The following MTFR1 variants were observed in gnomAD, a reference collection of about 807,000 sequenced individuals.
MTFR1 encodes mitochondrial fission regulator 1, also known as chondrocyte protein with a poly-proline region.
A neutral mutation model predicts 38.8 loss-of-function variants in MTFR1; 28 were observed. The ratio of observed to expected loss-of-function variants is 0.72; its 90% CI spans 0.53 to 0.99. The LOEUF is 0.99. MTFR1 is among the 50% of genes least tolerant of loss of function. The pLI, the probability that MTFR1 is intolerant of heterozygous loss-of-function variation, is 0.00. For missense variants in MTFR1, 358 were observed against 395.5 expected (o/e 0.91, Z 0.81); for synonymous variants, 145 against 137.0 (o/e 1.06, Z -0.41).
intron 3 of MTFR1, among the ~76,000 whole-genome samples, chr8:65,726,365 T>G (rs1054403065): frequency 6.6e-6 from 1 of 152,168 alleles, no homozygotes; most frequent in African/African-American, 2.4e-5. Context: ...TTTTTTCCAT[T>G]CATTATTATA....
intron 4 of MTFR1, among the ~76,000 whole-genome samples, chr8:65,695,932 G>A (rs1805428033): frequency 6.6e-6 from 1 of 152,070 alleles, no homozygotes; most frequent in African/African-American, 2.4e-5. Context: ...GAAAGAAAAA[G>A]CCTCCTCCCC....
intron 3 of MTFR1, among the ~76,000 whole-genome samples, chr8:65,688,740 C>T (rs1805178872): frequency 1.3e-5 from 2 of 151,876 alleles, no homozygotes; most frequent in Admixed American, 6.6e-5. Flanking sequence ...CCACCGCGCC[C>T]AGCCTGCTTT....
At chr8:65,749,269 C>G (rs1251817677) in intron 3 of MTFR1, among the ~76,000 whole-genome samples, 1 of 152,090 alleles carries the variant, frequency 6.6e-6, no homozygotes, top group East Asian at 1.9e-4. Context: ...AATAGTAATG[C>G]AAAGCATATA....
chr8:65,673,405 A>G (rs540519543), intron 2 of MTFR1, among the ~76,000 whole-genome samples: 1 of 149,100 alleles, frequency 6.7e-6, no homozygotes, highest in South Asian at 2.2e-4. Flanking sequence ...ATAAGAATGC[A>G]TAAGTCAGGG....
At position 65,682,443 on chromosome 8, in the gene MTFR1, C is replaced by T. The variant is rs1253474034; in HGVS notation, c.157C>T (p.Gln53Ter). The T allele has an allele frequency of 6.7e-7, 1 of 1,491,582 alleles. No individual in the cohort carries two copies. The highest frequency in any genetic ancestry group is 2.5e-5 in the East Asian group (1 of 40,714). The allele number at this position is 1,491,582 out of a possible 1,614,324, so 92.4% of individuals were successfully genotyped here. A position where few individuals can be genotyped will look rare whatever the true frequency, so the allele number is the denominator to read the frequency against. ...GTCTCTGATTCAGTGTCCAAGAGTT[C>T]AGTTTCAGGTATTATATTTTATATA... is the stretch of plus-strand genomic sequence containing the variant. ...NLSLIQCPRV[Q>*]FQINSHATEW... The change falls in exon 3 of 8, where the codon CAG becomes TAG. Residue 53 changes from glutamine (Q) to a stop codon, truncating the protein, a stop_gained. Coordinates refer to ENST00000262146, the MANE Select transcript of MTFR1 (RefSeq NM_014637.4). LOFTEE classifies it high-confidence loss of function.
chr8:65,712,260 G>C (rs894687698), downstream of MTFR1, among the ~76,000 whole-genome samples: 1 of 152,216 alleles, frequency 6.6e-6, no homozygotes, highest in Non-Finnish European at 1.5e-5. Context: ...TGAGTACAAG[G>C]GGAGGGAAGT....
chr8:65,686,153 G>A (rs1424070496), intron 3 of MTFR1, among the ~76,000 whole-genome samples: 2 of 152,026 alleles, frequency 1.3e-5, no homozygotes, highest in African/African-American at 2.4e-5. Flanking sequence ...AGATAATTTG[G>A]AATATGCTAG....
At chr8:65,699,102 T>C (rs1805537472) in intron 4 of MTFR1, among the ~76,000 whole-genome samples, 1 of 152,210 alleles carries the variant, frequency 6.6e-6, no homozygotes, top group Non-Finnish European at 1.5e-5. Flanking sequence ...TATTTGGTTT[T>C]CTGTTCCTGT....
intron 3 of MTFR1, among the ~76,000 whole-genome samples, chr8:65,767,325 T>C (rs768763073): frequency 2.6e-5 from 4 of 152,232 alleles, no homozygotes; most frequent in Admixed American, 6.5e-5. Flanking sequence ...GACCAGAGAC[T>C]GTGCTTTCTG....
intron 1 of MTFR1, among the ~76,000 whole-genome samples, chr8:65,650,530 A>G (rs1036058752): frequency 1.3e-5 from 2 of 152,186 alleles, no homozygotes; most frequent in Admixed American, 6.5e-5. Flanking sequence ...AGGTCCCGTA[A>G]TAAGTGAGAA....
At chr8:65,775,492 G>A (rs1393067035), downstream of MTFR1, among the ~76,000 whole-genome samples, 1 of 152,050 alleles carries the variant, frequency 6.6e-6, no homozygotes, top group Non-Finnish European at 1.5e-5. Flanking sequence ...ACGTTTTTAT[G>A]GTCTACCTCT....
intron 3 of MTFR1, chr8:65,682,960 G>T (rs1338135138): frequency 2.0e-6 from 2 of 976,230 alleles, no homozygotes; most frequent in East Asian, 1.1e-4. Flanking sequence ...TGTGGTTTTC[G>T]CAGTGAGGTG....
At chr8:65,682,498 G>T in intron 3 of MTFR1, 47 bp downstream of exon 3, 3 of 1,016,956 alleles carry the variant, frequency 2.9e-6, no homozygotes, top group East Asian at 3.4e-5. Context: ...ATGTACATTA[G>T]AAATATAAAT....
chr8:65,708,105 G>C lies in MTFR1; in HGVS notation c.933+94G>C, dbSNP rs775790626. ...TGCAAGTGATTCACCTGTGTCATCT[G>C]TAAGTTCCAAAGGGAGGTGATACAG... On this transcript the variant is annotated intron_variant, in intron 7 of 7. Transcript: ENST00000262146. 65 of 1,602,320 alleles carry C rather than the reference G, an allele frequency of 4.1e-5. No homozygotes were observed. Among genetic ancestry groups the C allele is most frequent in the Non-Finnish European group, 5.1e-5 (60 of 1,179,510 alleles).
At chr8:65,683,157 G>A in intron 3 of MTFR1, among the ~76,000 whole-genome samples, 1 of 130,460 alleles carries the variant, frequency 7.7e-6, no homozygotes, top group Non-Finnish European at 1.6e-5. Flanking sequence ...TTTTTGAGAT[G>A]GAATCTTGCC....
chr8:65,757,531 A>G (rs959454021), intron 3 of MTFR1, among the ~76,000 whole-genome samples: 1 of 152,200 alleles, frequency 6.6e-6, no homozygotes, highest in East Asian at 1.9e-4. Context: ...GCAAACATAC[A>G]GTGTTATTCT....
intron 3 of MTFR1, among the ~76,000 whole-genome samples, chr8:65,684,158 A>G (rs1331733146): frequency 6.6e-6 from 1 of 152,212 alleles, no homozygotes; most frequent in East Asian, 1.9e-4. Context: ...TACTAGAGTC[A>G]AGTACATTTA....
chr8:65,758,998 G>T (rs1427623157), intron 3 of MTFR1, among the ~76,000 whole-genome samples: 3 of 152,172 alleles, frequency 2.0e-5, no homozygotes, highest in Non-Finnish European at 4.4e-5. Flanking sequence ...TTATGTGTCT[G>T]AGAGGGGGCA....
downstream of MTFR1, among the ~76,000 whole-genome samples, chr8:65,711,931 A>ATGTT (rs1306745807): frequency 6.6e-6 from 1 of 152,186 alleles, no homozygotes; most frequent in East Asian, 1.9e-4. Flanking sequence ...AGGAGGGTAA[A>ATGTT]TGTTAAGACA....
Sources: allele counts gnomAD v4.1 joint callset (sites outside exome capture counted in the v4.1 genomes callset), GRCh38; gene constraint gnomAD v4.1.1; transcripts MANE v1.5; gene names NCBI Gene and HGNC (gene_info 2026-07-23, HGNC 2026-07-21).